SLC26A9: variants seen among roughly 807,000 people sequenced by gnomAD.
SLC26A9 encodes solute carrier family 26 member 9.
Under a neutral mutation model 87.1 loss-of-function variants are expected in SLC26A9, and 46 were observed. The ratio of observed to expected loss-of-function variants is 0.53; its 90% CI spans 0.42 to 0.67. The LOEUF (loss-of-function observed/expected upper bound fraction) is 0.67, where lower values mean the gene tolerates loss of function less well. SLC26A9 is among the 30% of genes least tolerant of loss of function. SLC26A9 has a pLI of 0.00. For synonymous variants in SLC26A9, 437 were observed against 409.1 expected, an observed-to-expected ratio of 1.07 and a Z score of -0.82; for missense variants, 927 against 1,018.3, an observed-to-expected ratio of 0.91 and a Z score of 1.22.
intron 6 of SLC26A9, among the ~76,000 whole-genome samples, 192 bp from the exon 7 acceptor site, chr1:205,929,548 G>T (rs970517655): frequency 7.9e-5 from 12 of 152,212 alleles, no homozygotes; most frequent in Admixed American, 5.9e-4. Context: ...GGGAACTTGT[G>T]CTAGAAAAGG....
chr1:205,925,878 C>A (rs1205130705), intron 12 of SLC26A9, among the ~76,000 whole-genome samples: 1 of 152,206 alleles, frequency 6.6e-6, no homozygotes, highest in East Asian at 1.9e-4. Context: ...CATTACTATG[C>A]CCAGCGGATG....
In SLC26A9 at chr1:205,921,788, G is replaced by A. The variant is rs767681985; in HGVS notation, c.1833C>T (p.Asn611=). 1.2e-5 allele frequency: 20 copies of A among 1,605,614 alleles called. No homozygotes were observed. The East Asian group carries it at 4.5e-4, about 36-fold the overall frequency. The change falls in exon 17 of 21, where the codon AAC becomes AAT. Residue 611 remains asparagine (N), a synonymous_variant. Transcript: ENST00000367135. ...DFENAPPTDP[N]NNQTPANGTS... is the part of the protein sequence containing the mutation. ...TGCCGTTAGCCGGGGTCTGGTTGTT[G>A]TTGGGGTCGGTGGGGGGCGCATTCT...
rs112743698 is a variant in SLC26A9, at chr1:205,935,320, T to A, written c.125+376A>T. On this transcript the variant is annotated intron_variant, in intron 2 of 20. Transcript: ENST00000367135. ...CCTGGGGTGATGGTAACTTCAGGTA[T>A]TTTTTGTAAGGAGGGAACAGGGCAT... 736 of 159,996 alleles carry A rather than the reference T, an allele frequency of 4.6e-3. 6 individuals carry two copies. Among genetic ancestry groups the A allele is most frequent in the African/African-American group, 0.016 (683 of 41,864 alleles). 9.9% of individuals were successfully genotyped at this position (159,996 alleles called of 1,614,324 possible).
rs1659372628 is a variant in SLC26A9, at chr1:205,933,073, G to C, written c.137C>G (p.Ala46Gly). 1.9e-6 allele frequency: 3 copies of C among 1,614,234 alleles called. No individual in the cohort carries two copies. The highest frequency in any genetic ancestry group is 2.5e-6 in the Non-Finnish European group (3 of 1,180,036). Residue 46 changes from alanine (A) to glycine (G), a missense_variant, in exon 3 of 21, where the codon GCC (alanine) becomes GGC (glycine). Coordinates refer to ENST00000367135, the MANE Select transcript of SLC26A9 (RefSeq NM_052934.4). Reference protein sequence around the residue: ...KLRNAFRCSSAKIKAVVFGLL... With the variant: ...KLRNAFRCSSGKIKAVVFGLL... ...CCCAAACACCACAGCTTTGATCTTGGCTGAGGAACATCTGGAAGGGAACGG... is the reference window on the plus strand; with the variant it reads ...CCCAAACACCACAGCTTTGATCTTGCCTGAGGAACATCTGGAAGGGAACGG...
chr1:205,921,759 C>A lies in SLC26A9; in HGVS notation c.1862G>T (p.Ser621Ile). The A allele has an allele frequency of 6.3e-7, 1 of 1,599,254 alleles. No homozygotes were observed. The highest frequency in any genetic ancestry group is 8.5e-7 in the Non-Finnish European group (1 of 1,173,186). Residue 621 changes from serine (S) to isoleucine (I), a missense_variant, in exon 17 of 21, where the codon AGC becomes ATC. Ser to Ile is a moderately radical substitution (Grantham distance 142). Transcript: ENST00000367135. ...NNNQTPANGT[S>I]VSYITFSPDS... is the part of the protein sequence containing the mutation. ...AGGGCTGAAGGTGATATAGGACACG[C>A]TGGTGCCGTTAGCCGGGGTCTGGTT...
intron 1 of SLC26A9, among the ~76,000 whole-genome samples, chr1:205,941,675 C>T (rs897985261): frequency 5.3e-5 from 8 of 152,184 alleles, no homozygotes; most frequent in Non-Finnish European, 7.3e-5. Flanking sequence ...TATCTCCAGG[C>T]GAACTCTCCC....
At chr1:205,925,617 A>G (rs1659034009) in intron 12 of SLC26A9, among the ~76,000 whole-genome samples, 1 of 151,902 alleles carries the variant, frequency 6.6e-6, no homozygotes, top group Non-Finnish European at 1.5e-5. Context: ...GGCTTTAAGG[A>G]TTTTCTTCTC....
rs901827570 is a variant in SLC26A9 at position 205,931,871 on chromosome 1, C to T, written c.541G>A (p.Ala181Thr). 17 of 1,612,614 alleles carry T rather than the reference C, an allele frequency of 1.1e-5. No individual in the cohort carries two copies. Among genetic ancestry groups the T allele is most frequent in the Non-Finnish European group, 1.4e-5 (16 of 1,179,422 alleles). The change falls in exon 5 of 21, where the codon GCC becomes ACC. Residue 181 changes from alanine to threonine, a missense_variant. Transcript: ENST00000367135. ...HVSATLACLT[A>T]IIQMGLGFMQ... ...GGCTGCCCCCTCACCTGGATGATGG[C>T]GGTGAGGCAGGCTAGCGTAGCTGAC... is the stretch of plus-strand genomic sequence containing the variant.
intron 11 of SLC26A9, 113 bp from the exon 12 acceptor site, chr1:205,926,743 C>A: frequency 1.2e-6 from 1 of 827,640 alleles, no homozygotes. Flanking sequence ...TGGAACACCT[C>A]CCCTGGCTGA....
In SLC26A9 at chr1:205,929,220, G is replaced by A; in HGVS notation, c.854C>T (p.Pro285Leu). The stretch of plus-strand genomic sequence containing the variant: ...GGTCCTTACCACAATCATCTCTGTA[G>A]GGATGGGGAAGCGAATCTTGTGCAT... ...RYMHKIRFPI[P>L]TEMIVVVVAT... The change falls in exon 7 of 21, where the codon CCT becomes CTT. Residue 285 changes from proline to leucine, a missense_variant. Transcript: ENST00000367135. 2 of 1,614,140 alleles carry A rather than the reference G, an allele frequency of 1.2e-6. No individual in the cohort carries two copies. Among genetic ancestry groups the A allele is most frequent in the Non-Finnish European group, 1.7e-6 (2 of 1,180,018 alleles).
At chr1:205,924,731 C>A (rs906715469) in intron 12 of SLC26A9, 7 of 475,570 alleles carry the variant, frequency 1.5e-5, no homozygotes, top group African/African-American at 2.0e-5. Context: ...GAAGCCCCAG[C>A]ACACAGGGAG....
At chr1:205,932,190 A>G (rs552262367) in intron 4 of SLC26A9, among the ~76,000 whole-genome samples, 155 bp from the exon 5 acceptor site, 1 of 152,344 alleles carries the variant, frequency 6.6e-6, no homozygotes, top group East Asian at 1.9e-4. Flanking sequence ...ACTCACTCTA[A>G]CCATGATCTA....
rs34820138 is a variant in SLC26A9, at chr1:205,931,465, GTTTTTT to G, written c.552+389_552+394del. Among the ~76,000 whole-genome samples the G allele has an allele frequency of 3.1e-5, 3 of 95,986 alleles. No individual in the cohort carries two copies. In the South Asian group the frequency reaches 1.1e-3, roughly 34 times the overall value. The allele number at this position is 95,986 out of a possible 152,430, so 63.0% of individuals were successfully genotyped here. ...GAGGGAGGAGGTGAGCCCTAACTTG[GTTTTTT>G]TTTTTTTTTTTTTGAGACGGAGTCT... On this transcript the variant is annotated intron_variant, in intron 5 of 20. Coordinates refer to ENST00000367135, the MANE Select transcript of SLC26A9 (RefSeq NM_052934.4).
Position 205,923,609 on chromosome 1 carries a change from T to C in SLC26A9, c.1501A>G (p.Asn501Asp). 6.2e-7 allele frequency: 1 copy of C among 1,614,170 alleles called. No individual in the cohort carries two copies. The highest frequency in any genetic ancestry group is 8.5e-7 in the Non-Finnish European group (1 of 1,180,018). Residue 501 changes from asparagine to aspartate, a missense_variant, in exon 14 of 21, where the codon AAT becomes GAT. Transcript: ENST00000367135. ...ATGACCTGGGCCAGTGCATAGCCAT[T>C]TCGACTGGATGAAGCAGGAAGAGAA... ...LVVVFQTQFR[N>D]GYALAQVMDT... is the part of the protein sequence containing the mutation.
chr1:205,929,182 C>T, intron 7 of SLC26A9, 22 bp downstream of exon 7: 1 of 1,604,702 alleles, frequency 6.2e-7, no homozygotes, highest in Non-Finnish European at 8.5e-7. Context: ...CCCAACATCC[C>T]AGCTCTGAAC....
In SLC26A9 at chr1:205,943,382, C is replaced by T. The variant is rs116115387; in HGVS notation, c.-36G>A. ...GGGCTTACCAGTGGGTGAGCAAAGC[C>T]GGCTGGGCAGGGCTGCAGGTGTGTC... On this transcript the variant is annotated 5_prime_UTR_variant, in exon 1 of 21. Coordinates refer to ENST00000367135, the MANE Select transcript of SLC26A9 (RefSeq NM_052934.4). 4,020 of 152,458 alleles carry T rather than the reference C, an allele frequency of 0.026. 181 individuals are homozygous for T. The highest frequency in any genetic ancestry group is 0.092 in the African/African-American group (3,817 of 41,498). The allele number at this position is 152,458 out of a possible 1,614,324, so 9.4% of individuals were successfully genotyped here. A position where few individuals can be genotyped will look rare whatever the true frequency, so the allele number is the denominator to read the frequency against.
chr1:205,919,073 G>T (rs995076642), intron 18 of SLC26A9, 88 bp from the exon 19 acceptor site: 10 of 1,534,724 alleles, frequency 6.5e-6, no homozygotes, highest in Middle Eastern at 1.7e-4. Flanking sequence ...CCAGAGCAGG[G>T]ATGGGAGAGG....
chr1:205,923,173 A>T lies in SLC26A9; in HGVS notation c.1682T>A (p.Val561Glu), dbSNP rs1255237737. The T allele has an allele frequency of 6.2e-7, 1 of 1,613,904 alleles. No individual in the cohort carries two copies. Among genetic ancestry groups the T allele is most frequent in the Non-Finnish European group, 8.5e-7 (1 of 1,179,990 alleles). ...GAGGTATTTTTGCTTGGCTAGTAAT[A>T]CTTTCTGGGGGTCCATGCCTGTCTG... ...IAKTGMDPQK[V>E]LLAKQKYLKK... Residue 561 changes from valine to glutamate, a missense_variant, in exon 16 of 21, where the codon GTA becomes GAA. Coordinates refer to ENST00000367135, the MANE Select transcript of SLC26A9 (RefSeq NM_052934.4).
chr1:205,926,063 G>A (rs77145461), intron 12 of SLC26A9, among the ~76,000 whole-genome samples: 2,721 of 152,266 alleles, frequency 0.018, 81 homozygotes, highest in African/African-American at 0.062. Context: ...CCCCAGGGAA[G>A]TCTAGTAACT....
Sources: allele counts gnomAD v4.1 joint callset (sites outside exome capture counted in the v4.1 genomes callset), GRCh38; gene constraint gnomAD v4.1.1; transcripts MANE v1.5; gene names NCBI Gene and HGNC (gene_info 2026-07-23, HGNC 2026-07-21).